The following CPNE4 variants were observed in gnomAD, a reference collection of about 807,000 sequenced individuals.
CPNE4 encodes the protein copine-4.
In CPNE4, 25 loss-of-function variants were observed where a neutral mutation model predicts 67.9. The observed-to-expected ratio is 0.37, with a 90% CI of 0.27 to 0.51. The LOEUF (loss-of-function observed/expected upper bound fraction) is 0.51, where lower values mean the gene tolerates loss of function less well. CPNE4 is among the 20% of genes least tolerant of loss of function. The pLI, the probability that CPNE4 is intolerant of heterozygous loss-of-function variation, is 0.93. For missense variants in CPNE4, 464 were observed against 690.8 expected, an observed-to-expected ratio of 0.67 and a Z score of 3.68; for synonymous variants, 242 against 244.9, an observed-to-expected ratio of 0.99 and a Z score of 0.11.
At chr3:131,915,733 G>C (rs1253200397) in intron 1 of CPNE4, among the ~76,000 whole-genome samples, 2 of 152,106 alleles carry the variant, frequency 1.3e-5, no homozygotes, top group Non-Finnish European at 2.9e-5. Flanking sequence ...ACAACGGAGA[G>C]ACCAAAAGAA....
intron 7 of CPNE4, among the ~76,000 whole-genome samples, chr3:131,637,064 C>G (rs1228994031): frequency 6.6e-6 from 1 of 152,158 alleles, no homozygotes; most frequent in African/African-American, 2.4e-5. Context: ...CAGATCTTTC[C>G]TCTGACATAG....
At chr3:131,696,279 A>G (rs1181516641) in intron 5 of CPNE4, among the ~76,000 whole-genome samples, 1 of 152,148 alleles carries the variant, frequency 6.6e-6, no homozygotes, top group African/African-American at 2.4e-5. Context: ...GGGTTAAATC[A>G]TATTTACCTG....
At chr3:131,962,824 T>A (rs1363106349) in intron 1 of CPNE4, among the ~76,000 whole-genome samples, 1 of 151,566 alleles carries the variant, frequency 6.6e-6, no homozygotes, top group Non-Finnish European at 1.5e-5. Context: ...AAAAAAAAAA[T>A]GTTGTTCTAT....
intron 7 of CPNE4, among the ~76,000 whole-genome samples, chr3:131,654,115 A>G (rs1415430389): frequency 6.6e-6 from 1 of 152,152 alleles, no homozygotes; most frequent in Non-Finnish European, 1.5e-5. Flanking sequence ...TGGTTTTTAA[A>G]GCTCCTCAGG....
Position 131,726,855 on chromosome 3 carries a change from T to C in CPNE4, c.181-3230A>G, listed in dbSNP as rs191688981. Among the ~76,000 whole-genome samples, 260 of 152,262 alleles carry C rather than the reference T, an allele frequency of 1.7e-3. 1 individual carries two copies. The highest frequency in any genetic ancestry group is 3.1e-3 in the Admixed American group (48 of 15,286). ...GAGAATTCTGGTGTGGGAACATCAG[T>C]CCTAGGGGAAATGAGGAGATGTAGA... On this transcript the variant is annotated intron_variant, in intron 2 of 15. Transcript: ENST00000429747.
At chr3:131,825,368 T>C (rs111473196) in intron 2 of CPNE4, among the ~76,000 whole-genome samples, 4,775 of 151,890 alleles carry the variant, frequency 0.031, 175 homozygotes, top group South Asian at 0.094. Flanking sequence ...TGGTGTTGTG[T>C]CTGTAATTCC....
chr3:131,956,437 C>T (rs1283223117), intron 1 of CPNE4, among the ~76,000 whole-genome samples: 1 of 151,986 alleles, frequency 6.6e-6, no homozygotes, highest in African/African-American at 2.4e-5. Context: ...ATAACTCCAT[C>T]GTCAATAAAA....
intron 2 of CPNE4, among the ~76,000 whole-genome samples, chr3:131,864,614 G>A (rs1343375162): frequency 7.6e-6 from 1 of 130,862 alleles, no homozygotes; most frequent in African/African-American, 3.1e-5. Flanking sequence ...GGGCTGAGAT[G>A]ATGGGGTTTT....
At chr3:132,031,114 T>C (rs189553493) in intron 1 of CPNE4, among the ~76,000 whole-genome samples, 1 of 152,334 alleles carries the variant, frequency 6.6e-6, no homozygotes, top group African/African-American at 2.4e-5. Context: ...AATCTATTCT[T>C]TGCCATCTAC....
intron 11 of CPNE4, among the ~76,000 whole-genome samples, chr3:131,559,862 T>G (rs1455660928): frequency 6.6e-6 from 1 of 152,066 alleles, no homozygotes; most frequent in Non-Finnish European, 1.5e-5. Flanking sequence ...TCACAAGAGT[T>G]ATGTAAGAGT....
chr3:131,880,640 GAGAGATGAGC>G (rs2087639495), intron 2 of CPNE4, among the ~76,000 whole-genome samples: 1 of 152,192 alleles, frequency 6.6e-6, no homozygotes, highest in Non-Finnish European at 1.5e-5. Context: ...CTTTCTGTAG[GAGAGATGAGC>G]AGAGACTTGA....
chr3:131,727,886 G>A (rs916564699), intron 2 of CPNE4, among the ~76,000 whole-genome samples: 6 of 151,910 alleles, frequency 3.9e-5, no homozygotes, highest in South Asian at 4.2e-4. Context: ...AATCTTTCAC[G>A]CAATTATTTT....
upstream of CPNE4, among the ~76,000 whole-genome samples, chr3:132,035,833 G>A (rs1402500148): frequency 1.3e-5 from 2 of 152,186 alleles, no homozygotes; most frequent in African/African-American, 4.8e-5. Flanking sequence ...GTGAATGACG[G>A]TCTCTTTCTG....
At chr3:131,840,429 T>C (rs748994051) in intron 2 of CPNE4, among the ~76,000 whole-genome samples, 18 of 152,338 alleles carry the variant, frequency 1.2e-4, no homozygotes, top group East Asian at 5.8e-4. Context: ...AGGATTTTAA[T>C]TCTACAGTTT....
At chr3:132,038,607 G>A (rs1212353698), upstream of CPNE4, among the ~76,000 whole-genome samples, 1 of 152,156 alleles carries the variant, frequency 6.6e-6, no homozygotes, top group Admixed American at 6.5e-5. Flanking sequence ...AGGTCTCTCA[G>A]TTGTCCCTCT....
At chr3:131,934,100 T>G (rs995422034) in intron 1 of CPNE4, among the ~76,000 whole-genome samples, 9 of 152,148 alleles carry the variant, frequency 5.9e-5, no homozygotes, top group African/African-American at 2.2e-4. Flanking sequence ...GGAAGAGATT[T>G]AGGGTACAGA....
chr3:131,682,224 T>A (rs1223236242), intron 6 of CPNE4, among the ~76,000 whole-genome samples: 1 of 151,828 alleles, frequency 6.6e-6, no homozygotes. Context: ...TATTGAAGAT[T>A]TATATATTTA....
chr3:132,007,941 T>G (rs1041725880), intron 1 of CPNE4, among the ~76,000 whole-genome samples: 1 of 152,138 alleles, frequency 6.6e-6, no homozygotes, highest in Non-Finnish European at 1.5e-5. Context: ...TAGCTCCAAT[T>G]TGAATGGCAC....
At chr3:131,813,545 A>C (rs971410157) in intron 2 of CPNE4, among the ~76,000 whole-genome samples, 3 of 151,314 alleles carry the variant, frequency 2.0e-5, no homozygotes, top group African/African-American at 7.3e-5. Flanking sequence ...ACACATATGC[A>C]TACATACACA....
Sources: gnomAD v4.1 joint callset for allele counts (sites outside exome capture counted in the v4.1 genomes callset) on GRCh38, gnomAD v4.1.1 for gene constraint, MANE v1.5 for transcripts, NCBI Gene and HGNC (gene_info 2026-07-23, HGNC 2026-07-21) for gene names.